Variants in ASXL2 observed in about 807,000 individuals in gnomAD.
ASXL2 encodes the protein ASXL transcriptional regulator 2.
ASXL2 carries 23 observed loss-of-function variants against 122.0 expected under a neutral mutation model. The observed-to-expected ratio is 0.19, with a 90% confidence interval of 0.14 to 0.27. The LOEUF (loss-of-function observed/expected upper bound fraction) is 0.27, where lower values mean the gene tolerates loss of function less well. ASXL2 is among the 10% of genes least tolerant of loss of function. ASXL2 has a pLI of 1.00. For missense variants in ASXL2, 1,518 were observed against 1,713.8 expected (o/e 0.89, Z 2.02); for synonymous variants, 650 against 637.0 (o/e 1.02, Z -0.31).
chr2:25,825,579 T>C (rs1473189397), intron 3 of ASXL2, among the ~76,000 whole-genome samples: 2 of 152,206 alleles, frequency 1.3e-5, no homozygotes, highest in Non-Finnish European at 2.9e-5. Flanking sequence ...CTTAGCACAA[T>C]GTCTTCAAGA....
In ASXL2 at chr2:25,750,067, C is replaced by G; in HGVS notation, c.1489G>C (p.Ala497Pro). The G allele has an allele frequency of 6.2e-7, 1 of 1,613,938 alleles. No homozygotes were observed. The highest frequency in any genetic ancestry group is 8.5e-7 in the Non-Finnish European group (1 of 1,179,880). The change falls in exon 12 of 13, where the codon GCT becomes CCT. Residue 497 changes from alanine to proline, a missense_variant. Ala to Pro is a conservative substitution (Grantham distance 27, BLOSUM62 -1). Around this residue, in one of 8 missense-constraint regions of ASXL2, gnomAD observed 292 missense variants for 293.5 expected, o/e 1.00. Coordinates refer to ENST00000435504, the MANE Select transcript of ASXL2 (RefSeq NM_018263.6). ...TGGTTCTTCTCAGATTCCTGTTCAG[C>G]AGAGGTGACTGGCTTCTGCTCCAAG... ...DLLEQKPVTS[A>P]EQESEKNHLT...
chr2:25,867,801 T>G (rs1212235516), intron 1 of ASXL2, among the ~76,000 whole-genome samples: 1 of 152,208 alleles, frequency 6.6e-6, no homozygotes, highest in Non-Finnish European at 1.5e-5. Flanking sequence ...TTTTTCAGTC[T>G]TTCCTCTTTT....
At chr2:25,836,883 C>T (rs1000840445) in intron 2 of ASXL2, among the ~76,000 whole-genome samples, 1 of 152,162 alleles carries the variant, frequency 6.6e-6, no homozygotes, top group Non-Finnish European at 1.5e-5. Flanking sequence ...AACAAATAAT[C>T]TTCCTAATTT....
chr2:25,828,399 G>A (rs2089404291), intron 3 of ASXL2, among the ~76,000 whole-genome samples: 2 of 151,558 alleles, frequency 1.3e-5, no homozygotes, highest in South Asian at 2.1e-4. Flanking sequence ...CCAGTTACTC[G>A]GGAGGCTGAG....
At chr2:25,774,460 T>C (rs1468159840) in intron 5 of ASXL2, among the ~76,000 whole-genome samples, 1 of 152,214 alleles carries the variant, frequency 6.6e-6, no homozygotes, top group Non-Finnish European at 1.5e-5. Context: ...ACCTCTTTTA[T>C]ACTTTATATA....
Position 25,742,227 on chromosome 2 carries a change from G to A in ASXL2, c.4110C>T (p.Ser1370=). The change falls in exon 13 of 13, where the codon AGC becomes AGT. Residue 1370 remains serine (S), a synonymous_variant. Transcript: ENST00000435504. ...FSVTVTTIPA[S]QAMNPSSHGQ... ...CATGGCTGCTGGGATTCATAGCTTG[G>A]CTAGCAGGGATGGTAGTGACAGTCA... 1 of 1,613,998 alleles carries A rather than the reference G, an allele frequency of 6.2e-7. No homozygotes were observed.
intron 5 of ASXL2, among the ~76,000 whole-genome samples, chr2:25,787,516 T>G (rs951084584): frequency 6.6e-6 from 1 of 152,222 alleles, no homozygotes; most frequent in Non-Finnish European, 1.5e-5. Context: ...TTAAAATCCA[T>G]GAGAGGCTAA....
chr2:25,740,817 TTGTG>T lies in ASXL2; in HGVS notation c.*1208_*1211del, dbSNP rs150847324. On this transcript the variant is annotated 3_prime_UTR_variant, in exon 13 of 13. Transcript: ENST00000435504. ...TCTAAAACAGGAAAAATGTCTTGTA[TTGTG>T]TGTGTGTGTGTACATACACGTATGT... The T allele has an allele frequency of 2.1e-5, 4 of 194,782 alleles. No individual in the cohort carries two copies. Among genetic ancestry groups the T allele is most frequent in the Middle Eastern group, 1.7e-3 (1 of 572 alleles). 12.1% of individuals were successfully genotyped at this position (194,782 alleles called of 1,614,324 possible). A position where few individuals can be genotyped will look rare whatever the true frequency, so the allele number is the denominator to read the frequency against.
rs1362028993 is a variant in ASXL2, at chr2:25,767,690, C to T, written c.668G>A (p.Gly223Asp). 1 of 1,613,896 alleles carries T rather than the reference C, an allele frequency of 6.2e-7. No individual in the cohort carries two copies. The highest frequency in any genetic ancestry group is 1.7e-5 in the Admixed American group (1 of 60,012). The change falls in exon 8 of 13, where the codon GGC becomes GAC. Residue 223 changes from glycine to aspartate, a missense_variant. Physicochemically the swap from Gly to Asp is moderately conservative, Grantham distance 94. Around this residue, in one of 8 missense-constraint regions of ASXL2, gnomAD observed 198 missense variants for 209.0 expected, o/e 0.95. Coordinates refer to ENST00000435504, the MANE Select transcript of ASXL2 (RefSeq NM_018263.6). ...WEGKQSDGQT[G>D]SPQNSNSSFS... ...GCTGGAGTTTGAGTTTTGAGGGCTG[C>T]CTGTCTGTCCATCAGATTGCTTTCC...
intron 2 of ASXL2, among the ~76,000 whole-genome samples, chr2:25,843,298 T>A (rs1200170567): frequency 1.5e-4 from 17 of 114,764 alleles, no homozygotes; most frequent in African/African-American, 5.4e-4. Context: ...AGAGACTTCG[T>A]CTCAAAAAAA....
At chr2:25,792,591 T>C (rs1026951164) in intron 5 of ASXL2, among the ~76,000 whole-genome samples, 1 of 152,066 alleles carries the variant, frequency 6.6e-6, no homozygotes, top group Non-Finnish European at 1.5e-5. Context: ...AAGAGTAATC[T>C]AGTAAATAAT....
At chr2:25,843,753 G>A (rs1005647970) in intron 2 of ASXL2, among the ~76,000 whole-genome samples, 3 of 146,278 alleles carry the variant, frequency 2.1e-5, no homozygotes, top group African/African-American at 7.6e-5. Context: ...AGTACACCAT[G>A]ATCATGGCTG....
chr2:25,781,322 C>T (rs1194668938), intron 5 of ASXL2, among the ~76,000 whole-genome samples: 1 of 151,862 alleles, frequency 6.6e-6, no homozygotes, highest in Non-Finnish European at 1.5e-5. Context: ...TCGTTTGAAC[C>T]CGAGAGGCAG....
At chr2:25,797,977 G>C (rs1278229139) in intron 5 of ASXL2, among the ~76,000 whole-genome samples, 2 of 152,232 alleles carry the variant, frequency 1.3e-5, no homozygotes, top group Admixed American at 6.5e-5. Context: ...AAACTTGGAA[G>C]CAACCAAGAT....
chr2:25,795,367 CAG>C (rs1328124460), intron 5 of ASXL2, among the ~76,000 whole-genome samples: 8 of 152,160 alleles, frequency 5.3e-5, no homozygotes, highest in Non-Finnish European at 1.2e-4. Context: ...TATTATTATG[CAG>C]AGTGTGGAGC....
intron 1 of ASXL2, among the ~76,000 whole-genome samples, chr2:25,858,713 C>T (rs894866158): frequency 6.8e-6 from 1 of 146,014 alleles, no homozygotes; most frequent in Non-Finnish European, 1.5e-5. Context: ...CAGAGCGAGA[C>T]CCCGCCTCAA....
chr2:25,808,067 A>G (rs1284912396), intron 3 of ASXL2, among the ~76,000 whole-genome samples: 1 of 151,338 alleles, frequency 6.6e-6, no homozygotes, highest in Non-Finnish European at 1.5e-5. Flanking sequence ...CCAAAAATCT[A>G]TGGAGCTATT....
In ASXL2 at chr2:25,865,494, G is replaced by T. The variant is rs1004273705; in HGVS notation, c.57+12672C>A. On this transcript the variant is annotated intron_variant, in intron 1 of 12. Coordinates refer to ENST00000435504, the MANE Select transcript of ASXL2 (RefSeq NM_018263.6). Reference sequence around the variant, plus strand: ...TTTTAAATCCAAATATAGGCTGGGCGTGGTGGCTCACGCCTGTAATCCCAG... The same window carrying T: ...TTTTAAATCCAAATATAGGCTGGGCTTGGTGGCTCACGCCTGTAATCCCAG... Among the ~76,000 whole-genome samples, 3 of 149,472 alleles carry T rather than the reference G, an allele frequency of 2.0e-5. No homozygotes were observed. The East Asian group carries it at 6.0e-4, about 30-fold the overall frequency.
intron 5 of ASXL2, among the ~76,000 whole-genome samples, chr2:25,781,608 A>C (rs1291550868): frequency 6.9e-6 from 1 of 144,198 alleles, no homozygotes; most frequent in African/African-American, 2.6e-5. Flanking sequence ...CCAGCCTTGA[A>C]TTCCTGGGCT....
Sources: allele counts gnomAD v4.1 joint callset (sites outside exome capture counted in the v4.1 genomes callset), GRCh38; gene constraint gnomAD v4.1.1; regional missense constraint gnomAD v4.1.1; transcripts MANE v1.5; gene names NCBI Gene and HGNC (gene_info 2026-07-23, HGNC 2026-07-21).